CLEC16A: variants seen among roughly 807,000 people sequenced by gnomAD.
CLEC16A encodes C-type lectin domain containing 16A.
In CLEC16A, 51 loss-of-function variants were observed where a neutral mutation model predicts 109.5. The observed-to-expected ratio is 0.47, with a 90% CI of 0.37 to 0.59. CLEC16A has a LOEUF of 0.59. Among genes scored for constraint, CLEC16A ranks in the 20% least tolerant of loss-of-function variants. The probability of loss-of-function intolerance (pLI) is 0.00; values close to 1 mark genes in which losing one functional copy is unlikely to be tolerated. For synonymous variants in CLEC16A, 673 were observed against 564.2 expected, an observed-to-expected ratio of 1.19 and a Z score of -2.73; for missense variants, 1,339 against 1,394.0, an observed-to-expected ratio of 0.96 and a Z score of 0.63.
At chr16:10,991,274 CAAAG>C (rs2043989209) in intron 10 of CLEC16A, among the ~76,000 whole-genome samples, 1 of 151,698 alleles carries the variant, frequency 6.6e-6, no homozygotes, top group African/African-American at 2.4e-5. Flanking sequence ...AGCACAGACT[CAAAG>C]GAAGCAAGAG....
chr16:11,003,696 G>A (rs11074944), intron 11 of CLEC16A, among the ~76,000 whole-genome samples: 13,532 of 152,186 alleles, frequency 0.089, 665 homozygotes, highest in African/African-American at 0.14. Flanking sequence ...CTGCAGAAGT[G>A]TTCGTCATTA....
At chr16:11,057,976 CAA>C (rs1241716676) in intron 18 of CLEC16A, among the ~76,000 whole-genome samples, 4 of 152,188 alleles carry the variant, frequency 2.6e-5, no homozygotes, top group South Asian at 4.1e-4. Flanking sequence ...CATGGGGAAT[CAA>C]GAGAGTGCTT....
intron 19 of CLEC16A, among the ~76,000 whole-genome samples, chr16:11,119,643 C>T (rs565671632): frequency 2.6e-5 from 4 of 152,266 alleles, no homozygotes; most frequent in South Asian, 4.1e-4. Context: ...CCTCCCTCCT[C>T]GGACTCCCAA....
At chr16:11,064,756 G>T (rs1370740652) in intron 19 of CLEC16A, among the ~76,000 whole-genome samples, 2 of 152,140 alleles carry the variant, frequency 1.3e-5, no homozygotes, top group Non-Finnish European at 2.9e-5. Flanking sequence ...CAGCCTGGGG[G>T]ACAGAGTGAG....
chr16:10,971,291 C>G, intron 5 of CLEC16A, 61 bp downstream of exon 5: 2 of 1,211,910 alleles, frequency 1.7e-6, no homozygotes, highest in Non-Finnish European at 2.4e-6. Flanking sequence ...AGCACTCACT[C>G]CCGTGTGTGT....
intron 18 of CLEC16A, among the ~76,000 whole-genome samples, chr16:11,052,107 CAG>C (rs1182325283): frequency 6.6e-6 from 1 of 152,170 alleles, no homozygotes; most frequent in Non-Finnish European, 1.5e-5. Flanking sequence ...GCCTGCAGGA[CAG>C]ATATGTGTGA....
rs192353059 is a variant in CLEC16A, at chr16:11,026,986, T to G, written c.1537+2065T>G. On this transcript the variant is annotated intron_variant, in intron 13 of 23. Transcript: ENST00000409790. ...CGCGCGTGCTGTCTTTCCCATGTGGTGGGGTTGCGCATGATCAGTAGCTGC... is the reference window on the plus strand; with the variant it reads ...CGCGCGTGCTGTCTTTCCCATGTGGGGGGGTTGCGCATGATCAGTAGCTGC... The G allele has an allele frequency of 7.5e-4, 1,166 of 1,549,982 alleles. 14 individuals carry two copies. The Admixed American group carries it at 0.015, about 20-fold the overall frequency.
Position 11,178,711 on chromosome 16 carries a change from TTGTG to T in CLEC16A, c.*28_*31del, listed in dbSNP as rs773319696. 207 of 1,443,416 alleles carry T rather than the reference TTGTG, an allele frequency of 1.4e-4. No individual in the cohort carries two copies. In the East Asian group the frequency reaches 4.6e-3, roughly 32 times the overall value. 89.4% of individuals were successfully genotyped at this position (1,443,416 alleles called of 1,614,324 possible). On this transcript the variant is annotated 3_prime_UTR_variant, in exon 24 of 24. Transcript: ENST00000409790. The surrounding 1 kb of genome is among the most constrained non-coding windows in gnomAD (Gnocchi z 6.5). ...ACTGAGTCAGTGCCGGGGCCTCCCTTTGTGTGTGTGGCCCCGCTGGTAGGGACCC... is the reference window on the plus strand; with the variant it reads ...ACTGAGTCAGTGCCGGGGCCTCCCTTTGTGTGGCCCCGCTGGTAGGGACCC...
chr16:11,124,040 A>G, intron 21 of CLEC16A, 94 bp downstream of exon 21: 4 of 1,094,602 alleles, frequency 3.7e-6, no homozygotes, highest in Non-Finnish European at 5.3e-6. Flanking sequence ...CCCCCATAGC[A>G]TAGAAGAAGA....
rs577678781 is a variant in CLEC16A at position 11,066,326 on chromosome 16, C to T, written c.2116+5304C>T. On this transcript the variant is annotated intron_variant, in intron 19 of 23. Coordinates refer to ENST00000409790, the MANE Select transcript of CLEC16A (RefSeq NM_015226.3). ...ACAGTCTGGGTACAGCATTTTGTGA[C>T]AGTTTGCAGTGGCGATGCCAGAGAG... 4.6e-5 allele frequency among the ~76,000 whole-genome samples: 7 copies of T among 152,072 alleles called. No individual in the cohort carries two copies. The South Asian group carries it at 6.3e-4, about 14-fold the overall frequency.
rs1483399253 is a variant in CLEC16A, at chr16:10,977,196, C to T, written c.729-29C>T. ...CTCAAAGGCTCCTAGTGTTGGCCTCCAGGCTGAGGTGGTCATTTCTCCTGG... is the reference window on the plus strand; with the variant it reads ...CTCAAAGGCTCCTAGTGTTGGCCTCTAGGCTGAGGTGGTCATTTCTCCTGG... On this transcript the variant is annotated intron_variant, in intron 7 of 23. Transcript: ENST00000409790. The T allele has an allele frequency of 3.1e-6, 5 of 1,604,874 alleles. No individual in the cohort carries two copies. The African/African-American group carries it at 5.3e-5, about 17-fold the overall frequency.
Position 11,178,311 on chromosome 16 carries a change from T to A in CLEC16A, c.2807-24T>A. ...GGGTGTCTCAAGGGCTCAGTGTGTTTCCGGTTTTTCTCCCCCAATCCAGAT... is the reference window on the plus strand; with the variant it reads ...GGGTGTCTCAAGGGCTCAGTGTGTTACCGGTTTTTCTCCCCCAATCCAGAT... On this transcript the variant is annotated intron_variant, in intron 23 of 23. Transcript: ENST00000409790. This position sits in a 1 kb window ranked among gnomAD's most constrained non-coding sequence, Gnocchi z 6.5. 1 of 1,581,708 alleles carries A rather than the reference T, an allele frequency of 6.3e-7. No individual in the cohort carries two copies.
chr16:11,042,945 A>T (rs928143832), intron 15 of CLEC16A, among the ~76,000 whole-genome samples: 1 of 150,678 alleles, frequency 6.6e-6, no homozygotes, highest in Non-Finnish European at 1.5e-5. Flanking sequence ...ACAATATGTA[A>T]ATATTATACA....
At position 11,121,707 on chromosome 16, in the gene CLEC16A, C is replaced by G. The variant is rs558861266; in HGVS notation, c.2268+941C>G. Among the ~76,000 whole-genome samples the G allele has an allele frequency of 8.6e-5, 13 of 151,360 alleles. No individual in the cohort carries two copies. The East Asian group carries it at 1.7e-3, about 20-fold the overall frequency. On this transcript the variant is annotated intron_variant, in intron 20 of 23. Transcript: ENST00000409790. ...CCAGCCTGGCCAACATGGTGAAACC[C>G]CGTCTCTACTAAAAATACAAAAATT...
At chr16:11,007,558 G>A (rs974654984) in intron 11 of CLEC16A, among the ~76,000 whole-genome samples, 4 of 152,140 alleles carry the variant, frequency 2.6e-5, no homozygotes, top group African/African-American at 9.7e-5. Context: ...TAATGCCTGG[G>A]CCTCAGATTG....
At chr16:11,152,031 C>T (rs1254069688) in intron 22 of CLEC16A, among the ~76,000 whole-genome samples, 2 of 152,172 alleles carry the variant, frequency 1.3e-5, no homozygotes, top group African/African-American at 2.4e-5. Flanking sequence ...AAGGATAGAA[C>T]TAGGTGCTTG....
intron 22 of CLEC16A, among the ~76,000 whole-genome samples, chr16:11,161,679 A>G (rs1342784235): frequency 6.6e-6 from 1 of 152,262 alleles, no homozygotes; most frequent in Non-Finnish European, 1.5e-5. Flanking sequence ...CCACACGGCC[A>G]GGCAAGTTGC....
Position 11,169,327 on chromosome 16 carries a change from C to G in CLEC16A, c.2806+2775C>G, listed in dbSNP as rs149455666. Reference sequence around the variant, plus strand: ...TTTGAGACAGAGTCTTGCTTAGTTGCCCAGGCTGAAGTGCAGTGTCGCAGT... The same window carrying G: ...TTTGAGACAGAGTCTTGCTTAGTTGGCCAGGCTGAAGTGCAGTGTCGCAGT... On this transcript the variant is annotated intron_variant, in intron 23 of 23. Transcript: ENST00000409790. Among the ~76,000 whole-genome samples, 1,518 of 152,252 alleles carry G rather than the reference C, an allele frequency of 1.0e-2. 32 individuals carry two copies. The highest frequency in any genetic ancestry group is 0.035 in the African/African-American group (1,433 of 41,530).
chr16:10,985,879 T>C (rs1391001604), intron 10 of CLEC16A, among the ~76,000 whole-genome samples: 1 of 150,852 alleles, frequency 6.6e-6, no homozygotes, highest in Non-Finnish European at 1.5e-5. Flanking sequence ...CTAATTTTTG[T>C]ATTTTTAGTA....
Sources: allele counts gnomAD v4.1 joint callset (sites outside exome capture counted in the v4.1 genomes callset), GRCh38; gene constraint gnomAD v4.1.1; non-coding constraint Gnocchi (gnomAD v3.1); transcripts MANE v1.5; gene names NCBI Gene and HGNC (gene_info 2026-07-23, HGNC 2026-07-21).